SORBS2: variants seen among roughly 807,000 people sequenced by gnomAD.
The protein encoded by SORBS2 is sorbin and SH3 domain-containing protein 2.
In SORBS2, 46 loss-of-function variants were observed where a neutral mutation model predicts 97.7. That is an observed-to-expected ratio of 0.47 (90% CI 0.37 to 0.60). The LOEUF (loss-of-function observed/expected upper bound fraction) is 0.60, where lower values mean the gene tolerates loss of function less well. Ranked by LOEUF, SORBS2 falls within the 20% of genes least tolerant of loss-of-function variation. The pLI is 0.00. For synonymous variants in SORBS2, 476 were observed against 473.4 expected (o/e 1.01, Z -0.07); for missense variants, 1,316 against 1,282.3 (o/e 1.03, Z -0.40).
intron 2 of SORBS2, among the ~76,000 whole-genome samples, chr4:185,725,737 C>A (rs1583487447): frequency 1.3e-5 from 2 of 151,936 alleles, no homozygotes; most frequent in Admixed American, 1.3e-4. Context: ...TCATAATAAT[C>A]TTTTCATTGG....
intron 1 of SORBS2, among the ~76,000 whole-genome samples, chr4:185,908,992 G>C (rs1257270243): frequency 1.3e-5 from 2 of 151,402 alleles, no homozygotes; most frequent in African/African-American, 2.4e-5. Context: ...CTACCCAAAG[G>C]AAAAGAAAAA....
At chr4:185,713,894 A>G (rs2098444754) in intron 2 of SORBS2, among the ~76,000 whole-genome samples, 1 of 152,228 alleles carries the variant, frequency 6.6e-6, no homozygotes, top group Non-Finnish European at 1.5e-5. Flanking sequence ...CTAGACAAAC[A>G]TCACAATCTG....
chr4:185,944,872 C>T (rs949742814), intron 1 of SORBS2, among the ~76,000 whole-genome samples: 5 of 150,754 alleles, frequency 3.3e-5, no homozygotes, highest in East Asian at 1.9e-4. Context: ...AGCATCGCTA[C>T]CAACAGCCGA....
intron 1 of SORBS2, among the ~76,000 whole-genome samples, chr4:185,947,935 T>G (rs891297450): frequency 1.3e-5 from 2 of 152,168 alleles, no homozygotes; most frequent in Non-Finnish European, 2.9e-5. Flanking sequence ...TAAAGGAAGT[T>G]CAAATGAGTC....
chr4:185,916,813 T>C (rs2099258388), intron 1 of SORBS2, among the ~76,000 whole-genome samples: 2 of 152,138 alleles, frequency 1.3e-5, no homozygotes, highest in Admixed American at 1.3e-4. Flanking sequence ...CCCCAAATAG[T>C]AACAGTGCAC....
intron 4 of SORBS2, among the ~76,000 whole-genome samples, chr4:185,672,173 C>T (rs1433940189): frequency 6.6e-6 from 1 of 152,228 alleles, no homozygotes; most frequent in East Asian, 1.9e-4. Context: ...GACATGTCTG[C>T]ATTACTCTGT....
intron 1 of SORBS2, among the ~76,000 whole-genome samples, chr4:185,800,963 A>T (rs1382006992): frequency 1.3e-5 from 2 of 152,100 alleles, no homozygotes; most frequent in African/African-American, 4.8e-5. Context: ...GGTTTTATTC[A>T]CTACAGTCAC....
chr4:185,842,930 T>A (rs868302692), intron 1 of SORBS2, among the ~76,000 whole-genome samples: 15 of 122,360 alleles, frequency 1.2e-4, no homozygotes, highest in South Asian at 2.9e-4. Context: ...AAAGACTGTC[T>A]AAAAAAAAAA....
At chr4:185,929,565 G>T (rs1040987854) in intron 1 of SORBS2, among the ~76,000 whole-genome samples, 3 of 141,406 alleles carry the variant, frequency 2.1e-5, no homozygotes, top group Admixed American at 1.5e-4. Context: ...GTCTCACTCT[G>T]TTGCTAGACT....
chr4:185,683,034 A>C (rs28612763), intron 2 of SORBS2, among the ~76,000 whole-genome samples: 14,193 of 150,140 alleles, frequency 0.095, 784 homozygotes, highest in Middle Eastern at 0.13. Context: ...AAAAAAGAAA[A>C]GAAAAGAAAA....
intron 1 of SORBS2, among the ~76,000 whole-genome samples, chr4:185,915,075 T>C (rs1008755413): frequency 2.4e-4 from 36 of 152,240 alleles, no homozygotes; most frequent in Non-Finnish European, 4.4e-5. Context: ...CAAAAGGCTT[T>C]CATCTGAAAG....
chr4:185,758,754 T>C (rs1247674650), intron 2 of SORBS2, among the ~76,000 whole-genome samples: 3 of 152,206 alleles, frequency 2.0e-5, no homozygotes, highest in Non-Finnish European at 4.4e-5. Context: ...CTGGCCTCCT[T>C]GCTGTGCCTC....
chr4:185,777,795 A>AAT lies in SORBS2; in HGVS notation c.-337-2430_-337-2429insAT, dbSNP rs577946635. Among the ~76,000 whole-genome samples, 1,279 of 152,262 alleles carry AAT rather than the reference A, an allele frequency of 8.4e-3. 44 individuals are homozygous for AAT. Among genetic ancestry groups the AAT allele is most frequent in the Admixed American group, 0.067 (1,030 of 15,278 alleles). On this transcript the variant is annotated intron_variant, in intron 1 of 20. Coordinates refer to the SORBS2 transcript ENST00000284776. Reference sequence around the variant, plus strand: ...TTTTGAGGTCTTTATACAAAAAAAAAAGGTGAATGATGAGAAATTACTCAG... The same window carrying AAT: ...TTTTGAGGTCTTTATACAAAAAAAAAATAGGTGAATGATGAGAAATTACTCAG...
At chr4:185,604,586 T>C (rs1412053827) in intron 12 of SORBS2, among the ~76,000 whole-genome samples, 2 of 152,250 alleles carry the variant, frequency 1.3e-5, no homozygotes, top group Admixed American at 6.5e-5. Context: ...TGAGGTTACA[T>C]GCTCTTTACG....
chr4:185,865,090 C>T (rs1205865383), intron 1 of SORBS2, among the ~76,000 whole-genome samples: 2 of 152,102 alleles, frequency 1.3e-5, no homozygotes, highest in Admixed American at 1.3e-4. Context: ...AAAATGAAAG[C>T]TCAGTTTCGA....
At chr4:185,793,167 A>G (rs2099089107) in intron 1 of SORBS2, among the ~76,000 whole-genome samples, 1 of 152,240 alleles carries the variant, frequency 6.6e-6, no homozygotes, top group Non-Finnish European at 1.5e-5. Context: ...CTCATTTTAG[A>G]TCAGCCCAAG....
intron 1 of SORBS2, among the ~76,000 whole-genome samples, chr4:185,852,729 T>G (rs1430976168): frequency 6.6e-6 from 1 of 152,194 alleles, no homozygotes. Flanking sequence ...AGAGCGGGCT[T>G]CTCAAGTCCA....
In SORBS2 at chr4:185,791,886, A is replaced by G. The variant is rs182219136; in HGVS notation, c.-337-16520T>C. On this transcript the variant is annotated intron_variant, in intron 1 of 20. Transcript: ENST00000284776. ...TGTATTTGGTTCCAAAGTAGAGCTAATCATTCTTAATCCAGGGGTAAAACC... is the reference window on the plus strand; with the variant it reads ...TGTATTTGGTTCCAAAGTAGAGCTAGTCATTCTTAATCCAGGGGTAAAACC... Among the ~76,000 whole-genome samples, 8 of 152,274 alleles carry G rather than the reference A, an allele frequency of 5.3e-5. No individual in the cohort carries two copies. The East Asian group carries it at 1.5e-3, about 29-fold the overall frequency.
At chr4:185,934,405 G>T (rs2099267900) in intron 1 of SORBS2, among the ~76,000 whole-genome samples, 1 of 152,062 alleles carries the variant, frequency 6.6e-6, no homozygotes, top group African/African-American at 2.4e-5. Flanking sequence ...CATCCAATTT[G>T]CTTTTGTTTA....
Sources: gnomAD v4.1 joint callset for allele counts (sites outside exome capture counted in the v4.1 genomes callset) on GRCh38, gnomAD v4.1.1 for gene constraint, MANE v1.5 for transcripts, NCBI Gene and HGNC (gene_info 2026-07-23, HGNC 2026-07-21) for gene names.